ZFR2: variants seen among roughly 807,000 people sequenced by gnomAD.
The protein encoded by ZFR2 is zinc finger RNA-binding protein 2.
ZFR2 carries 104 observed loss-of-function variants against 105.7 expected under a neutral mutation model. The observed-to-expected ratio is 0.98, with a 90% CI of 0.84 to 1.16. ZFR2 has a LOEUF of 1.16. Among genes scored for constraint, ZFR2 ranks in the 50% most tolerant of loss-of-function variants. The pLI, the probability that ZFR2 is intolerant of heterozygous loss-of-function variation, is 0.00. For synonymous variants in ZFR2, 634 were observed against 597.7 expected, an observed-to-expected ratio of 1.06 and a Z score of -0.89; for missense variants, 1,425 against 1,355.5, an observed-to-expected ratio of 1.05 and a Z score of -0.80.
At chr19:3,824,851 C>G (rs2037931770) in intron 7 of ZFR2, among the ~76,000 whole-genome samples, 1 of 152,154 alleles carries the variant, frequency 6.6e-6, no homozygotes, top group Non-Finnish European at 1.5e-5. Context: ...GCAGGAGAAT[C>G]GCTTGAACCC....
chr19:3,862,079 T>A (rs1173403730), intron 1 of ZFR2, among the ~76,000 whole-genome samples: 1 of 152,168 alleles, frequency 6.6e-6, no homozygotes, highest in African/African-American at 2.4e-5. Flanking sequence ...AACACCAATA[T>A]TCATTACCCT....
chr19:3,847,642 C>T (rs1052930821), intron 1 of ZFR2, among the ~76,000 whole-genome samples: 3 of 152,214 alleles, frequency 2.0e-5, no homozygotes, highest in Admixed American at 1.3e-4. Flanking sequence ...CCTGCACACA[C>T]GGGGAGAGGC....
chr19:3,820,711 C>G (rs1001232989), intron 10 of ZFR2, among the ~76,000 whole-genome samples: 2 of 148,730 alleles, frequency 1.3e-5, no homozygotes, highest in African/African-American at 5.0e-5. Context: ...CAGGGGATAC[C>G]AAGGGTAAGG....
At chr19:3,810,718 G>A (rs2037753502) in intron 16 of ZFR2, 32 bp downstream of exon 16, 2 of 1,539,610 alleles carry the variant, frequency 1.3e-6, no homozygotes, top group Non-Finnish European at 1.8e-6. Flanking sequence ...GGGGGTCCCA[G>A]TGGAGGGCCG....
chr19:3,815,381 C>T (rs912173492), intron 13 of ZFR2, among the ~76,000 whole-genome samples: 5 of 152,196 alleles, frequency 3.3e-5, no homozygotes, highest in African/African-American at 4.8e-5. Flanking sequence ...TGAGCCACCA[C>T]GCCAGGCCCG....
At chr19:3,868,204 C>T (rs573937017) in intron 1 of ZFR2, among the ~76,000 whole-genome samples, 2 of 146,768 alleles carry the variant, frequency 1.4e-5, no homozygotes, top group East Asian at 3.9e-4. Context: ...TCTCTCTTAC[C>T]CCCATCAGGG....
rs976850991 is a variant in ZFR2 at position 3,813,287 on chromosome 19, G to A, written c.2242+533C>T. ...CAGTGTGTTACTGATGCCTGTCTTC[G>A]CTGTGGCCGCTGGCCAAGACCCTCG... On this transcript the variant is annotated intron_variant, in intron 14 of 18. Coordinates refer to ENST00000262961, the MANE Select transcript of ZFR2 (RefSeq NM_015174.2). The surrounding 1 kb of genome is among the most constrained non-coding windows in gnomAD (Gnocchi z 4.4). Among the ~76,000 whole-genome samples, 22 of 152,200 alleles carry A rather than the reference G, an allele frequency of 1.4e-4. No homozygotes were observed. The highest frequency in any genetic ancestry group is 1.9e-4 in the East Asian group (1 of 5,202).
intron 7 of ZFR2, among the ~76,000 whole-genome samples, chr19:3,824,128 C>G (rs2037924511): frequency 1.3e-5 from 2 of 151,972 alleles, no homozygotes; most frequent in East Asian, 3.9e-4. Context: ...AGAACCCCAC[C>G]TCTACAAAAA....
At chr19:3,837,116 A>G (rs1217091061) in intron 1 of ZFR2, among the ~76,000 whole-genome samples, 1 of 152,236 alleles carries the variant, frequency 6.6e-6, no homozygotes, top group African/African-American at 2.4e-5. Flanking sequence ...TCTGCGGCAC[A>G]GGAAAACCTC....
At chr19:3,835,666 C>T (rs1313781172) in intron 1 of ZFR2, among the ~76,000 whole-genome samples, 1 of 151,006 alleles carries the variant, frequency 6.6e-6, no homozygotes, top group African/African-American at 2.4e-5. Flanking sequence ...AGTGTCTGGC[C>T]GGGTGTGGTA....
chr19:3,809,475 CA>C (rs1486494332), intron 16 of ZFR2, among the ~76,000 whole-genome samples: 5 of 152,178 alleles, frequency 3.3e-5, no homozygotes, highest in African/African-American at 7.2e-5. Flanking sequence ...CACGAGGGGA[CA>C]GGGGCATTGC....
intron 1 of ZFR2, among the ~76,000 whole-genome samples, chr19:3,836,215 A>C (rs1261178885): frequency 1.3e-5 from 2 of 152,176 alleles, no homozygotes; most frequent in African/African-American, 4.8e-5. Flanking sequence ...AAAACCCCAT[A>C]CATGTTCAGT....
At position 3,838,771 on chromosome 19, in the gene ZFR2, C is replaced by T; in HGVS notation, c.54-3788G>A. Among the ~76,000 whole-genome samples, 1 of 152,066 alleles carries T rather than the reference C, an allele frequency of 6.6e-6. No individual in the cohort carries two copies. The highest frequency in any genetic ancestry group is 1.9e-4 in the East Asian group (1 of 5,194). On this transcript the variant is annotated intron_variant, in intron 1 of 18. Coordinates refer to ENST00000262961, the MANE Select transcript of ZFR2 (RefSeq NM_015174.2). The surrounding 1 kb of genome is among the most constrained non-coding windows in gnomAD (Gnocchi z 4.9). ...GATCAGCCTCTGTCCCCTGGTCCTG[C>T]TTTTTCTTCTTCCTGGCACCACCCA...
chr19:3,830,696 T>C (rs767177676), intron 5 of ZFR2, among the ~76,000 whole-genome samples: 5 of 152,150 alleles, frequency 3.3e-5, no homozygotes, highest in African/African-American at 4.8e-5. Context: ...CAGAGCTTCC[T>C]TTCAGAGTAT....
At chr19:3,831,023 G>A (rs1315357432) in intron 5 of ZFR2, among the ~76,000 whole-genome samples, 1 of 149,992 alleles carries the variant, frequency 6.7e-6, no homozygotes, top group Non-Finnish European at 1.5e-5. Context: ...AGGCACACAT[G>A]CGCACACATA....
rs1276796134 is a variant in ZFR2, at chr19:3,838,538, T to C, written c.54-3555A>G. 6.6e-6 allele frequency among the ~76,000 whole-genome samples: 1 copy of C among 152,090 alleles called. No homozygotes were observed. The highest frequency in any genetic ancestry group is 2.4e-5 in the African/African-American group (1 of 41,424). ...CTCCTCCCTCCTCGCCAGCATTTCT[T>C]TGTCCTCCTGGCAGCCAGAGAGGGG... On this transcript the variant is annotated intron_variant, in intron 1 of 18. Transcript: ENST00000262961. This position sits in a 1 kb window ranked among gnomAD's most constrained non-coding sequence, Gnocchi z 4.9.
intron 5 of ZFR2, 111 bp downstream of exon 5, chr19:3,831,192 C>T (rs1455424307): frequency 4.3e-6 from 6 of 1,399,428 alleles, no homozygotes; most frequent in African/African-American, 1.5e-5. Flanking sequence ...AACACCAGAC[C>T]TTCTTTCAGC....
In ZFR2 at chr19:3,822,078, C is replaced by G. The variant is rs758872121; in HGVS notation, c.1491+3G>C. On this transcript the variant is annotated splice_donor_region_variant and intron_variant, in intron 9 of 18. Transcript: ENST00000262961. ...GTGTCGGAGCTCCCCCTGCTGGACG[C>G]ACCCGGTACTGCAGCCGGTGCCGCC... The G allele has an allele frequency of 4.4e-6, 7 of 1,596,956 alleles. No individual in the cohort carries two copies. Among genetic ancestry groups the G allele is most frequent in the Non-Finnish European group, 6.0e-6 (7 of 1,173,046 alleles).
rs375145699 is a variant in ZFR2 at position 3,825,271 on chromosome 19, G to A, written c.1172C>T (p.Ala391Val). The change falls in exon 7 of 19, where the codon GCG becomes GTG. Residue 391 changes from alanine to valine, a missense_variant. Coordinates refer to ENST00000262961, the MANE Select transcript of ZFR2 (RefSeq NM_015174.2). The stretch of plus-strand genomic sequence containing the variant: ...CGAGGCCACGGGTCTCTTGGCCAGC[G>A]CTGGCCTGCTCGAGGCACACACGCT... ...GPSVCASSRP[A>V]LAKRPVASKA... 7 of 1,572,380 alleles carry A rather than the reference G, an allele frequency of 4.5e-6. No homozygotes were observed. The African/African-American group carries it at 6.9e-5, about 15-fold the overall frequency.
Sources: allele counts gnomAD v4.1 joint callset (sites outside exome capture counted in the v4.1 genomes callset), GRCh38; gene constraint gnomAD v4.1.1; non-coding constraint Gnocchi (gnomAD v3.1); transcripts MANE v1.5; gene names NCBI Gene and HGNC (gene_info 2026-07-23, HGNC 2026-07-21).